The following TMEM132B variants were observed in gnomAD, a reference collection of about 807,000 sequenced individuals.
The protein encoded by TMEM132B is transmembrane protein 132B.
A neutral mutation model predicts 90.8 loss-of-function variants in TMEM132B; 18 were observed. The observed-to-expected ratio is 0.20, with a 90% CI of 0.14 to 0.29. The LOEUF (loss-of-function observed/expected upper bound fraction) is 0.29, where lower values mean the gene tolerates loss of function less well. Among genes scored for constraint, TMEM132B ranks in the 10% least tolerant of loss-of-function variants. TMEM132B has a pLI of 1.00. For missense variants in TMEM132B, 1,096 were observed against 1,326.8 expected (o/e 0.83, Z 2.70); for synonymous variants, 504 against 523.3 (o/e 0.96, Z 0.50).
chr12:125,451,244 A>G (rs1881143245), intron 3 of TMEM132B, among the ~76,000 whole-genome samples: 1 of 152,226 alleles, frequency 6.6e-6, no homozygotes, highest in Non-Finnish European at 1.5e-5. Flanking sequence ...TGACTGTACT[A>G]TGGTTCTGTT....
At chr12:125,552,523 T>C (rs1469764333) in intron 4 of TMEM132B, among the ~76,000 whole-genome samples, 1 of 152,194 alleles carries the variant, frequency 6.6e-6, no homozygotes, top group Admixed American at 6.5e-5. Context: ...AGAGTCACTG[T>C]ATGATGCAAT....
chr12:125,284,524 TG>T (rs1875293431), intron 1 of TMEM132B, among the ~76,000 whole-genome samples: 1 of 152,236 alleles, frequency 6.6e-6, no homozygotes, highest in South Asian at 2.1e-4. Context: ...TCTGTGCTTT[TG>T]TTAAACCTGA....
intron 1 of TMEM132B, among the ~76,000 whole-genome samples, chr12:125,227,386 A>G (rs11058081): frequency 0.036 from 5,489 of 152,264 alleles, 127 homozygotes; most frequent in Non-Finnish European, 0.049. Flanking sequence ...GAGAGGTTGA[A>G]GAGCTTAGTC....
At chr12:125,481,024 A>G (rs971239034) in intron 3 of TMEM132B, among the ~76,000 whole-genome samples, 2 of 152,224 alleles carry the variant, frequency 1.3e-5, no homozygotes, top group Non-Finnish European at 2.9e-5. Flanking sequence ...GATTATCTCA[A>G]TAGACACAGA....
chr12:125,376,331 G>T (rs1456730354), intron 2 of TMEM132B, among the ~76,000 whole-genome samples: 1 of 151,946 alleles, frequency 6.6e-6, no homozygotes. Flanking sequence ...AGATAAATTT[G>T]AGTAAGCCCA....
intron 4 of TMEM132B, among the ~76,000 whole-genome samples, chr12:125,522,426 T>C (rs1883331966): frequency 6.6e-6 from 1 of 152,214 alleles, no homozygotes; most frequent in African/African-American, 2.4e-5. Context: ...GAATGGCAGA[T>C]ACAGGGAGCA....
intron 3 of TMEM132B, among the ~76,000 whole-genome samples, chr12:125,495,858 C>T (rs1882547955): frequency 6.6e-6 from 1 of 152,222 alleles, no homozygotes. Context: ...GGACATTGAG[C>T]ATTCCTTTGG....
intron 1 of TMEM132B, among the ~76,000 whole-genome samples, chr12:125,323,066 C>A (rs775297469): frequency 5.9e-5 from 9 of 152,190 alleles, no homozygotes; most frequent in Non-Finnish European, 1.3e-4. Flanking sequence ...CACATTCCAT[C>A]GTGTGCCTGG....
chr12:125,514,068 TG>T (rs1883045551), intron 3 of TMEM132B, among the ~76,000 whole-genome samples: 1 of 152,110 alleles, frequency 6.6e-6, no homozygotes. Flanking sequence ...GAACTTACTG[TG>T]GTCCAGTAGT....
intron 1 of TMEM132B, among the ~76,000 whole-genome samples, chr12:125,226,157 C>G (rs545018895): frequency 6.6e-6 from 1 of 152,304 alleles, no homozygotes; most frequent in South Asian, 2.1e-4. Context: ...CATCAACTCC[C>G]CATCCATGTA....
At chr12:125,440,333 C>T (rs1248225433) in intron 3 of TMEM132B, among the ~76,000 whole-genome samples, 2 of 152,080 alleles carry the variant, frequency 1.3e-5, no homozygotes, top group Non-Finnish European at 1.5e-5. Flanking sequence ...AATTATTCCT[C>T]TTTTTAAAAG....
chr12:125,337,297 G>A (rs1472344360), intron 1 of TMEM132B, among the ~76,000 whole-genome samples: 13 of 152,120 alleles, frequency 8.5e-5, no homozygotes, highest in African/African-American at 2.2e-4. Flanking sequence ...AAACTCCTAG[G>A]CGTGGCTTAA....
intron 3 of TMEM132B, among the ~76,000 whole-genome samples, chr12:125,467,085 G>T (rs1251805733): frequency 2.0e-5 from 3 of 152,192 alleles, no homozygotes; most frequent in African/African-American, 7.2e-5. Context: ...GGCTTTTGTT[G>T]TACTGCTGGG....
At chr12:125,629,325 G>C (rs966466556) in intron 5 of TMEM132B, among the ~76,000 whole-genome samples, 1 of 151,908 alleles carries the variant, frequency 6.6e-6, no homozygotes, top group Non-Finnish European at 1.5e-5. Context: ...TCTTTCATCA[G>C]TGTTTCATAG....
At chr12:125,297,361 G>T (rs1875697700) in intron 1 of TMEM132B, among the ~76,000 whole-genome samples, 1 of 152,168 alleles carries the variant, frequency 6.6e-6, no homozygotes, top group South Asian at 2.1e-4. Context: ...CATTGTTATT[G>T]GCCCACTGTC....
At chr12:125,374,461 A>G (rs325086) in intron 2 of TMEM132B, among the ~76,000 whole-genome samples, 64,714 of 151,806 alleles carry the variant, frequency 0.43, 15,204 homozygotes, top group East Asian at 0.87. Flanking sequence ...TTGTTTAGAT[A>G]TAGAAAGTGG....
At chr12:125,380,149 G>A (rs1472378234) in intron 2 of TMEM132B, among the ~76,000 whole-genome samples, 1 of 152,166 alleles carries the variant, frequency 6.6e-6, no homozygotes, top group Non-Finnish European at 1.5e-5. Flanking sequence ...AAATCAAGGT[G>A]TGGGCAGGGT....
At chr12:125,188,190 A>G (rs2136044472) in intron 1 of TMEM132B, among the ~76,000 whole-genome samples, 1 of 152,298 alleles carries the variant, frequency 6.6e-6, no homozygotes, top group South Asian at 2.1e-4. Context: ...GATCTCCGTC[A>G]GCGTTCGGCT....
intron 3 of TMEM132B, among the ~76,000 whole-genome samples, chr12:125,436,362 C>T (rs1880701892): frequency 6.6e-6 from 1 of 152,276 alleles, no homozygotes; most frequent in South Asian, 2.1e-4. Flanking sequence ...GTTATGGAAT[C>T]GTACCTCTTC....
Sources: allele counts gnomAD v4.1 joint callset (sites outside exome capture counted in the v4.1 genomes callset), GRCh38; gene constraint gnomAD v4.1.1; transcripts MANE v1.5; gene names NCBI Gene and HGNC (gene_info 2026-07-23, HGNC 2026-07-21).